RAPGEF5: variants seen among roughly 807,000 people sequenced by gnomAD.
RAPGEF5 encodes M-Ras-regulated GEF.
In RAPGEF5, 65 loss-of-function variants were observed where a neutral mutation model predicts 125.2. The observed-to-expected ratio is 0.52, with a 90% CI of 0.43 to 0.64. The LOEUF (loss-of-function observed/expected upper bound fraction) is 0.64, where lower values mean the gene tolerates loss of function less well. RAPGEF5 is among the 30% of genes least tolerant of loss of function. RAPGEF5 has a pLI of 0.00. For synonymous variants in RAPGEF5, 391 were observed against 385.9 expected, an observed-to-expected ratio of 1.01 and a Z score of -0.16; for missense variants, 958 against 1,048.1, an observed-to-expected ratio of 0.91 and a Z score of 1.19.
At chr7:22,278,542 G>T (rs1406289186) in intron 6 of RAPGEF5, among the ~76,000 whole-genome samples, 2 of 151,816 alleles carry the variant, frequency 1.3e-5, no homozygotes, top group Non-Finnish European at 2.9e-5. Context: ...AGTGTCCAAA[G>T]AGCTAATCCT....
intron 23 of RAPGEF5, among the ~76,000 whole-genome samples, chr7:22,134,120 T>C (rs1783006363): frequency 6.6e-6 from 1 of 152,234 alleles, no homozygotes; most frequent in Non-Finnish European, 1.5e-5. Flanking sequence ...CTTTAAATTA[T>C]GTGATTAAAA....
At chr7:22,272,822 T>C (rs534647777) in intron 6 of RAPGEF5, among the ~76,000 whole-genome samples, 1 of 152,312 alleles carries the variant, frequency 6.6e-6, no homozygotes, top group East Asian at 1.9e-4. Context: ...AGTGGTACGA[T>C]CTCAGCTCAC....
chr7:22,144,249 CCT>C (rs1482562625), intron 20 of RAPGEF5, among the ~76,000 whole-genome samples: 1 of 152,126 alleles, frequency 6.6e-6, no homozygotes, highest in African/African-American at 2.4e-5. Context: ...AGAAATAGCC[CCT>C]GTTCTTTGAA....
chr7:22,245,070 A>C (rs1786440754), intron 7 of RAPGEF5, among the ~76,000 whole-genome samples: 1 of 152,240 alleles, frequency 6.6e-6, no homozygotes, highest in African/African-American at 2.4e-5. Flanking sequence ...TCTCATGAAT[A>C]GTAATATTGA....
intron 11 of RAPGEF5, 172 bp downstream of exon 11, chr7:22,193,195 T>C: frequency 1.5e-6 from 1 of 678,216 alleles, no homozygotes; most frequent in South Asian, 2.0e-5. Flanking sequence ...TCTACATGTG[T>C]CCATTTATTG....
chr7:22,232,372 G>C (rs923805815), intron 7 of RAPGEF5, among the ~76,000 whole-genome samples: 1 of 149,590 alleles, frequency 6.7e-6, no homozygotes, highest in Non-Finnish European at 1.5e-5. Flanking sequence ...CTGGAGTGCA[G>C]TGGCACAATC....
At chr7:22,241,880 A>G (rs943971706) in intron 7 of RAPGEF5, among the ~76,000 whole-genome samples, 1 of 152,108 alleles carries the variant, frequency 6.6e-6, no homozygotes, top group African/African-American at 2.4e-5. Flanking sequence ...AAATGGCAGA[A>G]TCTGTAGAGA....
chr7:22,312,931 G>A (rs1783506950), intron 3 of RAPGEF5, among the ~76,000 whole-genome samples: 1 of 152,140 alleles, frequency 6.6e-6, no homozygotes, highest in African/African-American at 2.4e-5. Context: ...AGGACTTAGG[G>A]GAGAGCAGTG....
intron 9 of RAPGEF5, among the ~76,000 whole-genome samples, chr7:22,197,894 G>GGGC (rs367754216): frequency 9.4e-5 from 2 of 21,348 alleles, no homozygotes; most frequent in Non-Finnish European, 2.3e-4. Context: ...CTTTTTTTTT[G>GGGC]GGGGGGGGTG....
intron 1 of RAPGEF5, among the ~76,000 whole-genome samples, chr7:22,325,427 T>A (rs1367533759): frequency 6.6e-6 from 1 of 152,196 alleles, no homozygotes; most frequent in African/African-American, 2.4e-5. Context: ...TCGCCACCAC[T>A]GCCCCACTCC....
chr7:22,255,953 C>A (rs1484337337), intron 7 of RAPGEF5, among the ~76,000 whole-genome samples: 3 of 152,192 alleles, frequency 2.0e-5, no homozygotes, highest in Non-Finnish European at 4.4e-5. Context: ...TGCCTGCAGA[C>A]TTTCTAGCCT....
rs540659342 is a variant in RAPGEF5 at position 22,165,063 on chromosome 7, A to C, written c.1283+2007T>G. Among the ~76,000 whole-genome samples, 7 of 152,314 alleles carry C rather than the reference A, an allele frequency of 4.6e-5. No homozygotes were observed. In the South Asian group the frequency reaches 1.4e-3, roughly 32 times the overall value. On this transcript the variant is annotated intron_variant, in intron 12 of 25. Transcript: ENST00000665637. ...CTTTGTGTTTGTGGTATTATTTCATAAAAGGCAGAGTGCAAATATACAGAA... is the reference window on the plus strand; with the variant it reads ...CTTTGTGTTTGTGGTATTATTTCATCAAAGGCAGAGTGCAAATATACAGAA...
chr7:22,238,747 G>A (rs1465667556), intron 7 of RAPGEF5, among the ~76,000 whole-genome samples: 1 of 152,178 alleles, frequency 6.6e-6, no homozygotes, highest in African/African-American at 2.4e-5. Context: ...TACCAGTGAT[G>A]TTGTAAGGCA....
intron 7 of RAPGEF5, among the ~76,000 whole-genome samples, chr7:22,260,057 C>T (rs930524670): frequency 1.3e-5 from 2 of 150,774 alleles, no homozygotes; most frequent in African/African-American, 4.9e-5. Flanking sequence ...GCACTCACTT[C>T]AGTCTGGGCA....
chr7:22,142,585 G>A (rs755817572), intron 20 of RAPGEF5, among the ~76,000 whole-genome samples: 4 of 152,148 alleles, frequency 2.6e-5, no homozygotes, highest in Non-Finnish European at 5.9e-5. Context: ...AATTAATACA[G>A]ACACACTTTC....
chr7:22,139,898 AG>A, intron 21 of RAPGEF5, 126 bp downstream of exon 21: 1 of 792,204 alleles, frequency 1.3e-6, no homozygotes, highest in Non-Finnish European at 2.0e-6. Flanking sequence ...TTGATCAAAA[AG>A]ATCCCTACCA....
At chr7:22,347,458 T>C (rs923044962) in intron 1 of RAPGEF5, among the ~76,000 whole-genome samples, 7 of 152,168 alleles carry the variant, frequency 4.6e-5, no homozygotes, top group African/African-American at 1.4e-4. Context: ...TTTTAAGATA[T>C]ACCATCAATT....
intron 11 of RAPGEF5, among the ~76,000 whole-genome samples, chr7:22,190,324 C>A (rs2128124896): frequency 6.6e-6 from 1 of 152,218 alleles, no homozygotes; most frequent in South Asian, 2.1e-4. Flanking sequence ...CCATAGATAT[C>A]ATACTGGATG....
intron 5 of RAPGEF5, chr7:22,298,450 A>G (rs1220582375): frequency 6.6e-6 from 1 of 152,218 alleles, no homozygotes; most frequent in Non-Finnish European, 1.5e-5. Context: ...AAGTGTAGGG[A>G]TTACAGGCAT....
Sources: gnomAD v4.1 joint callset for allele counts (sites outside exome capture counted in the v4.1 genomes callset) on GRCh38, gnomAD v4.1.1 for gene constraint, MANE v1.5 for transcripts, NCBI Gene and HGNC (gene_info 2026-07-23, HGNC 2026-07-21) for gene names.